Variants in FRMD4B observed in about 807,000 individuals in gnomAD.
FRMD4B encodes FERM domain-containing protein 4B.
Under a neutral mutation model 141.5 loss-of-function variants are expected in FRMD4B, and 74 were observed. That is an observed-to-expected ratio of 0.52 (90% CI 0.43 to 0.63). The LOEUF (loss-of-function observed/expected upper bound fraction) is 0.63. Among genes scored for constraint, FRMD4B ranks in the 30% least tolerant of loss-of-function variants. The probability of loss-of-function intolerance (pLI) is 0.00; values close to 1 mark genes in which losing one functional copy is unlikely to be tolerated. For synonymous variants in FRMD4B, 506 were observed against 467.9 expected, an observed-to-expected ratio of 1.08 and a Z score of -1.05; for missense variants, 1,366 against 1,253.4, an observed-to-expected ratio of 1.09 and a Z score of -1.36.
intron 1 of FRMD4B, among the ~76,000 whole-genome samples, chr3:69,536,923 T>C (rs1459598095): frequency 6.6e-6 from 1 of 151,954 alleles, no homozygotes; most frequent in African/African-American, 2.4e-5. Context: ...ATTTTAAAAA[T>C]TTTAAGTAGG....
chr3:69,284,507 T>C (rs2093658345), intron 5 of FRMD4B, among the ~76,000 whole-genome samples: 1 of 152,116 alleles, frequency 6.6e-6, no homozygotes, highest in South Asian at 2.1e-4. Flanking sequence ...TGCTCTGGGC[T>C]AGACTAACAA....
At chr3:69,218,456 C>CGTGGTGTTTCTTTAA in intron 9 of FRMD4B, 77 bp from the exon 10 acceptor site, 1 of 655,822 alleles carries the variant, frequency 1.5e-6, no homozygotes, top group Non-Finnish European at 2.7e-6. Flanking sequence ...TTTAAAGAAA[C>CGTGGTGTTTCTTTAA]ACCACGTTTC....
intron 1 of FRMD4B, among the ~76,000 whole-genome samples, chr3:69,527,623 T>C (rs1700947048): frequency 1.3e-5 from 2 of 152,240 alleles, no homozygotes; most frequent in African/African-American, 2.4e-5. Context: ...TTTTGAAATA[T>C]GTTTATATTG....
chr3:69,469,055 G>T (rs1439326840), intron 1 of FRMD4B, among the ~76,000 whole-genome samples: 1 of 152,138 alleles, frequency 6.6e-6, no homozygotes, highest in Admixed American at 6.6e-5. Flanking sequence ...TTAAGAGTTT[G>T]CAGAGGTGTT....
At chr3:69,458,416 G>C (rs1484758996) in intron 1 of FRMD4B, among the ~76,000 whole-genome samples, 1 of 152,178 alleles carries the variant, frequency 6.6e-6, no homozygotes, top group East Asian at 1.9e-4. Context: ...AACTAGTCTA[G>C]TCTGAGATTT....
At chr3:69,287,609 G>T in intron 5 of FRMD4B, 143 bp downstream of exon 5, 1 of 621,786 alleles carries the variant, frequency 1.6e-6, no homozygotes, top group South Asian at 1.8e-5. Context: ...GTGTGTAGTT[G>T]GGGGGTAGGA....
At chr3:69,489,288 AT>A in intron 1 of FRMD4B, among the ~76,000 whole-genome samples, 1 of 150,570 alleles carries the variant, frequency 6.6e-6, no homozygotes, top group African/African-American at 2.4e-5. Context: ...GTATACATAT[AT>A]AAATGAGATA....
At chr3:69,465,100 C>T (rs1705761821) in intron 1 of FRMD4B, among the ~76,000 whole-genome samples, 1 of 152,110 alleles carries the variant, frequency 6.6e-6, no homozygotes, top group African/African-American at 2.4e-5. Context: ...GCAGGCAGAT[C>T]ATGAGGTCAG....
chr3:69,249,794 A>G (rs1575657139), intron 6 of FRMD4B, among the ~76,000 whole-genome samples: 1 of 152,338 alleles, frequency 6.6e-6, no homozygotes. Context: ...TTCCAGGAAT[A>G]TGGGTTTAAT....
intron 7 of FRMD4B, among the ~76,000 whole-genome samples, chr3:69,225,971 G>T (rs1408723894): frequency 6.6e-6 from 1 of 152,026 alleles, no homozygotes; most frequent in Non-Finnish European, 1.5e-5. Flanking sequence ...GCTCCCAAGT[G>T]CCAGATACCA....
chr3:69,463,934 T>C (rs570414446), intron 1 of FRMD4B, among the ~76,000 whole-genome samples: 3 of 152,312 alleles, frequency 2.0e-5, no homozygotes, highest in African/African-American at 7.2e-5. Context: ...CAGAAGATGA[T>C]TGATCACTTA....
rs527979406 is a variant in FRMD4B at position 69,240,384 on chromosome 3, G to A, written c.581+8842C>T. On this transcript the variant is annotated intron_variant, in intron 7 of 22. Coordinates refer to ENST00000398540, the MANE Select transcript of FRMD4B (RefSeq NM_015123.3). ...TAGTCCCAGCTACTTGGGAGGCTGAGGCAGGAGAATTGCTTGAACCCGGGA... is the reference window on the plus strand; with the variant it reads ...TAGTCCCAGCTACTTGGGAGGCTGAAGCAGGAGAATTGCTTGAACCCGGGA... 1.6e-4 allele frequency among the ~76,000 whole-genome samples: 24 copies of A among 149,122 alleles called. No individual in the cohort carries two copies. The South Asian group carries it at 4.7e-3, about 29-fold the overall frequency.
At chr3:69,349,126 C>G (rs1364029095) in intron 1 of FRMD4B, among the ~76,000 whole-genome samples, 1 of 152,208 alleles carries the variant, frequency 6.6e-6, no homozygotes, top group Non-Finnish European at 1.5e-5. Flanking sequence ...TCAGCAAAGT[C>G]TCAGGATACA....
At chr3:69,198,165 A>T (rs1005425096) in intron 12 of FRMD4B, 4 of 150,708 alleles carry the variant, frequency 2.7e-5, no homozygotes, top group African/African-American at 9.8e-5. Context: ...TTCTCCTAAG[A>T]TATTTGAGAA....
At chr3:69,451,944 ATT>A (rs1415735323) in intron 1 of FRMD4B, among the ~76,000 whole-genome samples, 1 of 152,182 alleles carries the variant, frequency 6.6e-6, no homozygotes, top group Non-Finnish European at 1.5e-5. Context: ...GGAAGGAGAG[ATT>A]TCTTTCCCAG....
chr3:69,439,149 A>G (rs1478454210), intron 1 of FRMD4B, among the ~76,000 whole-genome samples: 1 of 152,082 alleles, frequency 6.6e-6, no homozygotes, highest in African/African-American at 2.4e-5. Flanking sequence ...TATGCTGCCT[A>G]TTATATTTTG....
intron 7 of FRMD4B, among the ~76,000 whole-genome samples, chr3:69,246,534 C>G (rs976468094): frequency 6.6e-6 from 1 of 152,088 alleles, no homozygotes; most frequent in African/African-American, 2.4e-5. Context: ...AAAACATATC[C>G]TCTCTATTCA....
intron 7 of FRMD4B, among the ~76,000 whole-genome samples, chr3:69,242,073 T>G (rs1416755760): frequency 6.6e-6 from 1 of 152,162 alleles, no homozygotes; most frequent in Non-Finnish European, 1.5e-5. Flanking sequence ...ATCAAAGGGT[T>G]GCTGTGAGGA....
chr3:69,175,128 T>A (rs1239056219), intron 22 of FRMD4B, among the ~76,000 whole-genome samples: 1 of 152,192 alleles, frequency 6.6e-6, no homozygotes, highest in Non-Finnish European at 1.5e-5. Flanking sequence ...AGTGAGTGTC[T>A]TAATAAGAAA....
Sources: allele counts gnomAD v4.1 joint callset (sites outside exome capture counted in the v4.1 genomes callset), GRCh38; gene constraint gnomAD v4.1.1; transcripts MANE v1.5; gene names NCBI Gene and HGNC (gene_info 2026-07-23, HGNC 2026-07-21).